Variants in NTNG1 observed in about 807,000 individuals in gnomAD.
NTNG1 encodes the protein netrin-G1.
Under a neutral mutation model 54.0 loss-of-function variants are expected in NTNG1, and 16 were observed. The ratio of observed to expected loss-of-function variants is 0.30; its 90% CI spans 0.20 to 0.45. The LOEUF is 0.45. Among genes scored for constraint, NTNG1 ranks in the 20% least tolerant of loss-of-function variants. NTNG1 has a pLI of 1.00. For missense variants in NTNG1, 530 were observed against 678.7 expected, an observed-to-expected ratio of 0.78 and a Z score of 2.43; for synonymous variants, 255 against 263.1, an observed-to-expected ratio of 0.97 and a Z score of 0.30.
In NTNG1 at chr1:107,298,074, G is replaced by A. The variant is rs372113188; in HGVS notation, c.247-26208G>A. Among the ~76,000 whole-genome samples, 45 of 152,166 alleles carry A rather than the reference G, an allele frequency of 3.0e-4. 1 individual carries two copies. Among genetic ancestry groups the A allele is most frequent in the East Asian group, 2.9e-3 (15 of 5,174 alleles). ...TTAAAAATGACTCAAAATATAATTGGCATAGAACTCAGTCATGAAGATAAA... is the reference window on the plus strand; with the variant it reads ...TTAAAAATGACTCAAAATATAATTGACATAGAACTCAGTCATGAAGATAAA... On this transcript the variant is annotated intron_variant, in intron 2 of 7. Transcript: ENST00000370068.
chr1:107,180,808 T>C (rs571510113), intron 2 of NTNG1, among the ~76,000 whole-genome samples: 21 of 152,304 alleles, frequency 1.4e-4, no homozygotes, highest in African/African-American at 4.8e-4. Context: ...TAATAATGGA[T>C]ATATGTGTCC....
At chr1:107,455,919 G>T (rs895383895) in intron 7 of NTNG1, among the ~76,000 whole-genome samples, 2 of 152,164 alleles carry the variant, frequency 1.3e-5, no homozygotes, top group Non-Finnish European at 2.9e-5. Flanking sequence ...AGTAGAGATA[G>T]CTCAATATAG....
chr1:107,315,948 G>A (rs1667313624), intron 2 of NTNG1, among the ~76,000 whole-genome samples: 1 of 152,136 alleles, frequency 6.6e-6, no homozygotes, highest in African/African-American at 2.4e-5. Context: ...TTCAGGTTCT[G>A]GAGAGCTTTC....
At chr1:107,212,559 A>G (rs1291543042) in intron 2 of NTNG1, among the ~76,000 whole-genome samples, 2 of 152,176 alleles carry the variant, frequency 1.3e-5, no homozygotes, top group African/African-American at 2.4e-5. Flanking sequence ...TTGTTAATTC[A>G]GTGTCACTGA....
intron 3 of NTNG1, among the ~76,000 whole-genome samples, chr1:107,337,629 A>G (rs1215849415): frequency 3.1e-5 from 2 of 64,810 alleles, no homozygotes; most frequent in Non-Finnish European, 4.7e-5. Context: ...TGTGTATTTT[A>G]ACAACAACAA....
intron 2 of NTNG1, among the ~76,000 whole-genome samples, chr1:107,174,167 A>G (rs1456605203): frequency 1.3e-5 from 2 of 152,122 alleles, no homozygotes; most frequent in Non-Finnish European, 1.5e-5. Context: ...CTTAATGATG[A>G]GTGTTCATGG....
chr1:107,188,418 A>G (rs1570797504), intron 2 of NTNG1, among the ~76,000 whole-genome samples: 1 of 152,276 alleles, frequency 6.6e-6, no homozygotes, highest in East Asian at 1.9e-4. Flanking sequence ...TGCATAAGTA[A>G]TATACCCCCT....
chr1:107,146,372 C>T (rs1347966743), intron 1 of NTNG1, among the ~76,000 whole-genome samples: 1 of 152,020 alleles, frequency 6.6e-6, no homozygotes, highest in Non-Finnish European at 1.5e-5. Context: ...AAAAATTCAT[C>T]TCAAAAATGT....
intron 7 of NTNG1, among the ~76,000 whole-genome samples, chr1:107,447,758 C>T (rs1262353913): frequency 6.6e-6 from 1 of 152,020 alleles, no homozygotes; most frequent in East Asian, 1.9e-4. Context: ...GAAAACTATG[C>T]CTTCGTTTCA....
At position 107,436,846 on chromosome 1, in the gene NTNG1, T is replaced by C. The variant is rs535119957; in HGVS notation, c.1390+47T>C. On this transcript the variant is annotated intron_variant, in intron 7 of 7. Coordinates refer to ENST00000370068, the MANE Select transcript of NTNG1 (RefSeq NM_001113226.3). ...CCTCTGCCTGCTGCAGCATGGCTGA[T>C]TTCTGCTTGGCTAGGCCGGTGCGTG... 12 of 1,595,346 alleles carry C rather than the reference T, an allele frequency of 7.5e-6. No individual in the cohort carries two copies. In the South Asian group the frequency reaches 7.8e-5, roughly 10 times the overall value.
chr1:107,272,666 C>T (rs1664221463), intron 2 of NTNG1, among the ~76,000 whole-genome samples: 1 of 152,084 alleles, frequency 6.6e-6, no homozygotes, highest in South Asian at 2.1e-4. Context: ...ACCATTTCCC[C>T]ATGTATACAG....
At chr1:107,424,351 A>G (rs1674755489) in intron 5 of NTNG1, among the ~76,000 whole-genome samples, 1 of 152,112 alleles carries the variant, frequency 6.6e-6, no homozygotes, top group African/African-American at 2.4e-5. Flanking sequence ...GAGTGCTAGC[A>G]ATGAGCCCCC....
chr1:107,304,419 AAATACATG>A (rs1666535558), intron 2 of NTNG1, among the ~76,000 whole-genome samples: 1 of 152,180 alleles, frequency 6.6e-6, no homozygotes, highest in Non-Finnish European at 1.5e-5. Flanking sequence ...ATTTATGGCC[AAATACATG>A]AATTCTTCCT....
intron 3 of NTNG1, among the ~76,000 whole-genome samples, chr1:107,339,778 G>T (rs977816693): frequency 2.6e-5 from 4 of 152,044 alleles, no homozygotes; most frequent in African/African-American, 9.7e-5. Flanking sequence ...TTTCACGAAT[G>T]TAGAATATAA....
chr1:107,235,432 T>C (rs77649835), intron 2 of NTNG1, among the ~76,000 whole-genome samples: 5,890 of 152,210 alleles, frequency 0.039, 308 homozygotes, highest in African/African-American at 0.12. Flanking sequence ...GGTAGGAACA[T>C]GTCAATGATG....
chr1:107,241,627 G>C (rs1661836305), intron 2 of NTNG1, among the ~76,000 whole-genome samples: 1 of 152,146 alleles, frequency 6.6e-6, no homozygotes, highest in South Asian at 2.1e-4. Flanking sequence ...AGTGACCAAA[G>C]CAACAGAATG....
intron 3 of NTNG1, among the ~76,000 whole-genome samples, chr1:107,361,200 AAAAT>A (rs1359501533): frequency 1.4e-5 from 2 of 144,060 alleles, no homozygotes; most frequent in Non-Finnish European, 3.0e-5. Flanking sequence ...AATTATGTAT[AAAAT>A]AAATATATAT....
intron 2 of NTNG1, among the ~76,000 whole-genome samples, chr1:107,171,309 T>A (rs1656222329): frequency 6.6e-6 from 1 of 152,142 alleles, no homozygotes; most frequent in Non-Finnish European, 1.5e-5. Flanking sequence ...TATATATATA[T>A]TTATAATGAT....
chr1:107,310,953 G>T (rs1666975394), intron 2 of NTNG1, among the ~76,000 whole-genome samples: 1 of 152,046 alleles, frequency 6.6e-6, no homozygotes, highest in African/African-American at 2.4e-5. Context: ...TCTCTGAGGG[G>T]TAAGTTTCAT....
Sources: gnomAD v4.1 joint callset for allele counts (sites outside exome capture counted in the v4.1 genomes callset) on GRCh38, gnomAD v4.1.1 for gene constraint, MANE v1.5 for transcripts, NCBI Gene and HGNC (gene_info 2026-07-23, HGNC 2026-07-21) for gene names.